The following TRPM3 variants were observed in gnomAD, a reference collection of about 807,000 sequenced individuals.
TRPM3 encodes transient receptor potential cation channel subfamily M member 3.
TRPM3 carries 77 observed loss-of-function variants against 181.2 expected under a neutral mutation model. The ratio of observed to expected loss-of-function variants is 0.42; its 90% CI spans 0.35 to 0.51. The LOEUF is 0.51. Ranked by LOEUF, TRPM3 falls within the 20% of genes least tolerant of loss-of-function variation. TRPM3 has a pLI of 0.01. For missense variants in TRPM3, 1,759 were observed against 2,196.7 expected (o/e 0.80, Z 3.98); for synonymous variants, 745 against 796.4 (o/e 0.94, Z 1.09).
At position 71,440,231 on chromosome 9, in the gene TRPM3, AAG is replaced by A. The variant is rs140266574; in HGVS notation, c.183+6420_183+6421del. The stretch of plus-strand genomic sequence containing the variant: ...ATTATCCTAGCAGAACTGGGGAGAA[AAG>A]AGTCATAGAAATATAATTCACCCAA... On this transcript the variant is annotated intron_variant, in intron 1 of 24. Coordinates refer to the TRPM3 transcript ENST00000357533. Among the ~76,000 whole-genome samples the A allele has an allele frequency of 7.5e-3, 1,148 of 152,296 alleles. 16 individuals are homozygous for A. The highest frequency in any genetic ancestry group is 0.026 in the African/African-American group (1,089 of 41,542).
At chr9:71,296,667 T>C (rs138771631) in intron 1 of TRPM3, among the ~76,000 whole-genome samples, 50 of 152,264 alleles carry the variant, frequency 3.3e-4, no homozygotes, top group African/African-American at 1.2e-3. Context: ...AATTATCTGA[T>C]ATATTTTTAA....
At chr9:70,682,848 A>C (rs1227853275) in intron 8 of TRPM3, among the ~76,000 whole-genome samples, 1 of 152,226 alleles carries the variant, frequency 6.6e-6, no homozygotes, top group Non-Finnish European at 1.5e-5. Flanking sequence ...TGGGATAATA[A>C]TGGTGCTTAT....
intron 1 of TRPM3, among the ~76,000 whole-genome samples, chr9:71,061,595 A>G (rs1245843811): frequency 6.6e-6 from 1 of 152,070 alleles, no homozygotes; most frequent in African/African-American, 2.4e-5. Flanking sequence ...TACTAGGTGG[A>G]GAGTGGCCAA....
intron 1 of TRPM3, among the ~76,000 whole-genome samples, chr9:70,998,267 T>A (rs11142665): frequency 0.033 from 4,682 of 140,110 alleles, 125 homozygotes; most frequent in Non-Finnish European, 0.052. Flanking sequence ...ATATATATAT[T>A]TTTTTTAGTA....
chr9:70,556,574 TAGTC>T (rs1253965076), intron 22 of TRPM3, among the ~76,000 whole-genome samples: 5 of 151,772 alleles, frequency 3.3e-5, no homozygotes, highest in African/African-American at 7.3e-5. Context: ...ATACAAAAAT[TAGTC>T]AGGCATGGTG....
intron 8 of TRPM3, among the ~76,000 whole-genome samples, chr9:70,698,091 C>T (rs1273970925): frequency 3.3e-5 from 5 of 151,856 alleles, no homozygotes; most frequent in Admixed American, 6.6e-5. Context: ...GCTTGTAGTC[C>T]CAGCTACTCA....
intron 1 of TRPM3, among the ~76,000 whole-genome samples, chr9:71,073,248 G>A (rs1047924021): frequency 1.3e-5 from 2 of 152,110 alleles, no homozygotes; most frequent in Admixed American, 6.6e-5. Context: ...GAGAATGAAC[G>A]GGAGGAGGAG....
At chr9:71,356,480 T>C (rs2091902396) in intron 1 of TRPM3, among the ~76,000 whole-genome samples, 1 of 151,990 alleles carries the variant, frequency 6.6e-6, no homozygotes, top group African/African-American at 2.4e-5. Context: ...AATAGAGACG[T>C]AGTTAGGAGG....
At chr9:70,996,099 G>A (rs1309091795) in intron 1 of TRPM3, among the ~76,000 whole-genome samples, 3 of 152,144 alleles carry the variant, frequency 2.0e-5, no homozygotes, top group African/African-American at 4.8e-5. Context: ...CACATTGAAG[G>A]TACTATGTGG....
At chr9:70,910,613 T>C (rs1213116845) in intron 1 of TRPM3, among the ~76,000 whole-genome samples, 2 of 152,304 alleles carry the variant, frequency 1.3e-5, no homozygotes, top group South Asian at 2.1e-4. Context: ...AGCTGAATCT[T>C]TGATTATTGC....
chr9:71,142,613 G>T (rs1288931241), intron 1 of TRPM3, among the ~76,000 whole-genome samples: 1 of 151,920 alleles, frequency 6.6e-6, no homozygotes, highest in Non-Finnish European at 1.5e-5. Flanking sequence ...TTGAAACCAG[G>T]TTATTAAAAG....
chr9:70,842,925 T>C lies in TRPM3; in HGVS notation c.801+78A>G. 2.7e-6 allele frequency: 4 copies of C among 1,471,190 alleles called. No homozygotes were observed. The South Asian group carries it at 4.8e-5, about 18-fold the overall frequency. 91.1% of individuals were successfully genotyped at this position (1,471,190 alleles called of 1,614,324 possible). A position where few individuals can be genotyped will look rare whatever the true frequency, so the allele number is the denominator to read the frequency against. ...CAAAGAATACTATAATGTGCACATT[T>C]TGAATACTAATTTTATTATACTTTT... On this transcript the variant is annotated intron_variant, in intron 5 of 25. Transcript: ENST00000677713.
chr9:71,369,931 T>C (rs1365966366), intron 1 of TRPM3, among the ~76,000 whole-genome samples: 1 of 152,204 alleles, frequency 6.6e-6, no homozygotes, highest in East Asian at 1.9e-4. Flanking sequence ...GTCTCTCATT[T>C]TGGTAATTCT....
At chr9:71,027,782 A>T (rs972640058) in intron 1 of TRPM3, among the ~76,000 whole-genome samples, 11 of 152,226 alleles carry the variant, frequency 7.2e-5, no homozygotes, top group East Asian at 3.8e-4. Context: ...GAATGAAAAG[A>T]AATAAACAAA....
At chr9:71,355,715 C>T (rs979643032) in intron 1 of TRPM3, among the ~76,000 whole-genome samples, 132 of 152,186 alleles carry the variant, frequency 8.7e-4, no homozygotes, top group African/African-American at 3.1e-3. Context: ...AAGGAAGACC[C>T]TCTGGCTTGG....
chr9:71,441,778 G>A (rs900372404), intron 1 of TRPM3, among the ~76,000 whole-genome samples: 6 of 151,798 alleles, frequency 4.0e-5, no homozygotes, highest in African/African-American at 9.7e-5. Flanking sequence ...GACTACAGTC[G>A]CGCACTACCA....
chr9:70,893,790 A>T (rs1450412697), intron 1 of TRPM3, among the ~76,000 whole-genome samples: 1 of 152,236 alleles, frequency 6.6e-6, no homozygotes, highest in Non-Finnish European at 1.5e-5. Flanking sequence ...GAAAAGGATT[A>T]CATCAGAAAA....
Position 70,769,430 on chromosome 9 carries a change from G to A in TRPM3, c.1149-7706C>T, listed in dbSNP as rs138298878. On this transcript the variant is annotated intron_variant, in intron 7 of 25. Transcript: ENST00000677713. ...TTTTCATCTTTTATTTTAGAATCAG[G>A]GGGTACACATGGAGGTTTGTTACAA... Among the ~76,000 whole-genome samples, 450 of 151,948 alleles carry A rather than the reference G, an allele frequency of 3.0e-3. 2 individuals carry two copies. Among genetic ancestry groups the A allele is most frequent in the African/African-American group, 9.8e-3 (408 of 41,438 alleles).
At chr9:70,901,673 A>G (rs993569212) in intron 1 of TRPM3, among the ~76,000 whole-genome samples, 1 of 152,230 alleles carries the variant, frequency 6.6e-6, no homozygotes, top group African/African-American at 2.4e-5. Context: ...AGGAGCAGCA[A>G]TATGTGGAGA....
Sources: gnomAD v4.1 joint callset for allele counts (sites outside exome capture counted in the v4.1 genomes callset) on GRCh38, gnomAD v4.1.1 for gene constraint, MANE v1.5 for transcripts, NCBI Gene and HGNC (gene_info 2026-07-23, HGNC 2026-07-21) for gene names.